NRAP: variants seen among roughly 807,000 people sequenced by gnomAD.
NRAP encodes nebulin related anchoring protein.
Under a neutral mutation model 225.9 loss-of-function variants are expected in NRAP, and 189 were observed. That is an observed-to-expected ratio of 0.84 (90% confidence interval 0.74 to 0.94). NRAP has a LOEUF of 0.94. Among genes scored for constraint, NRAP ranks in the 40% least tolerant of loss-of-function variants. The probability of loss-of-function intolerance (pLI) is 0.00; values close to 1 mark genes in which losing one functional copy is unlikely to be tolerated. For synonymous variants in NRAP, 769 were observed against 790.7 expected, an observed-to-expected ratio of 0.97 and a Z score of 0.46; for missense variants, 2,176 against 2,168.7, an observed-to-expected ratio of 1.00 and a Z score of -0.07.
At chr10:113,662,993 G>T (rs1329626670) in intron 2 of NRAP, among the ~76,000 whole-genome samples, 1 of 152,086 alleles carries the variant, frequency 6.6e-6, no homozygotes, top group Non-Finnish European at 1.5e-5. Context: ...AACTGGAAAT[G>T]ATCACTTGAA....
At chr10:113,595,552 C>A in intron 38 of NRAP, 71 bp downstream of exon 38, 2 of 963,242 alleles carry the variant, frequency 2.1e-6, no homozygotes, top group Admixed American at 2.0e-5. Context: ...TTTAAAAAAA[C>A]GAAATCCACA....
At chr10:113,596,910 C>G (rs1846311718) in intron 37 of NRAP, among the ~76,000 whole-genome samples, 176 bp downstream of exon 37, 2 of 152,198 alleles carry the variant, frequency 1.3e-5, no homozygotes, top group Admixed American at 1.3e-4. Flanking sequence ...GATTCAGCAA[C>G]TGGCCCAAGA....
At chr10:113,654,507 C>G in intron 4 of NRAP, among the ~76,000 whole-genome samples, 1 of 128,696 alleles carries the variant, frequency 7.8e-6, no homozygotes, top group South Asian at 2.5e-4. Context: ...GCAATAAAAG[C>G]AAAAAAAAAA....
intron 26 of NRAP, 24 bp from the exon 27 acceptor site, chr10:113,615,840 A>C (rs1419030572): frequency 1.5e-6 from 2 of 1,328,668 alleles, no homozygotes; most frequent in Admixed American, 1.7e-5. Context: ...GAGGTTTTGC[A>C]TGAAACCTAG....
At chr10:113,592,866 A>G (rs1846071585) in intron 38 of NRAP, among the ~76,000 whole-genome samples, 1 of 152,152 alleles carries the variant, frequency 6.6e-6, no homozygotes, top group South Asian at 2.1e-4. Context: ...CCTGAATTAA[A>G]TTTATTGTCA....
chr10:113,640,385 G>T, intron 13 of NRAP, 54 bp from the exon 14 acceptor site: 1 of 1,067,426 alleles, frequency 9.4e-7, no homozygotes, highest in Non-Finnish European at 1.4e-6. Context: ...ACTTTCTTTT[G>T]GCTTTGTTTG....
chr10:113,644,939 C>T (rs1592845444), intron 11 of NRAP, among the ~76,000 whole-genome samples: 1 of 152,118 alleles, frequency 6.6e-6, no homozygotes, highest in Non-Finnish European at 1.5e-5. Flanking sequence ...AGGGAAAATG[C>T]CGTGAAGAAC....
Position 113,614,903 on chromosome 10 carries a change from T to C in NRAP, c.3122A>G (p.Tyr1041Cys), listed in dbSNP as rs1440230076. Residue 1041 changes from tyrosine to cysteine, a missense_variant, in exon 28 of 42, where the codon TAT (tyrosine) becomes TGT (cysteine). Tyr to Cys is a radical substitution (Grantham distance 194). Around this residue, in one of 3 missense-constraint regions of NRAP, gnomAD observed 1,708 missense variants for 1,695.5 expected, o/e 1.01. Transcript: ENST00000359988. ...TGGAAGGGCATCCAACCTCAGTTTA[T>C]AGCCACCATCTCGAAGTTTGCTCCA... ...ESWSKLRDGGYKLRLDALPFQ... is the reference protein window; with the variant it reads ...ESWSKLRDGGCKLRLDALPFQ... 1.9e-6 allele frequency: 3 copies of C among 1,613,394 alleles called. No homozygotes were observed. Among genetic ancestry groups the C allele is most frequent in the African/African-American group, 1.3e-5 (1 of 74,906 alleles).
At chr10:113,634,014 A>T in intron 15 of NRAP, 98 bp downstream of exon 15, 1 of 790,110 alleles carries the variant, frequency 1.3e-6, no homozygotes, top group South Asian at 1.5e-5. Context: ...ATGTGTCACA[A>T]TTTATGAAAG....
Position 113,642,998 on chromosome 10 carries a change from CTG to C in NRAP, c.1149_1150del (p.His383GlnfsTer6). On this transcript the variant is annotated frameshift_variant, in exon 12 of 42. Transcript: ENST00000359988. LOFTEE classifies it high-confidence loss of function. ...TTGAGGTGTTTCACAGTAGTTGATACTGTGACCTCTACTACTTTCCAGATCCT... is the reference window on the plus strand; with the variant it reads ...TTGAGGTGTTTCACAGTAGTTGATACTGACCTCTACTACTTTCCAGATCCT... 5 of 1,603,690 alleles carry C rather than the reference CTG, an allele frequency of 3.1e-6. No individual in the cohort carries two copies. Among genetic ancestry groups the C allele is most frequent in the Non-Finnish European group, 4.3e-6 (5 of 1,170,438 alleles).
chr10:113,618,015 G>A (rs1217157883), intron 25 of NRAP, among the ~76,000 whole-genome samples: 1 of 151,976 alleles, frequency 6.6e-6, no homozygotes, highest in Non-Finnish European at 1.5e-5. Context: ...AGCAGCCCGC[G>A]AGCGTATGCC....
intron 9 of NRAP, among the ~76,000 whole-genome samples, chr10:113,647,569 G>T (rs796194698): frequency 1.5e-4 from 7 of 47,296 alleles, no homozygotes; most frequent in Non-Finnish European, 3.1e-4. Flanking sequence ...CAGTGGTACT[G>T]CCTCCCCTGG....
intron 35 of NRAP, among the ~76,000 whole-genome samples, chr10:113,603,038 G>A (rs974754140): frequency 4.6e-5 from 7 of 152,220 alleles, no homozygotes; most frequent in African/African-American, 7.2e-5. Flanking sequence ...AGGTGCAGAC[G>A]TTGAGAAACC....
chr10:113,620,737 A>AT (rs757393414), intron 24 of NRAP, 29 bp from the exon 25 acceptor site: 3 of 1,448,718 alleles, frequency 2.1e-6, no homozygotes, highest in Non-Finnish European at 2.9e-6. Context: ...AAAAAAAAAA[A>AT]GCAGGCCATT....
chr10:113,615,014 C>A, intron 27 of NRAP, 68 bp from the exon 28 acceptor site: 1 of 960,868 alleles, frequency 1.0e-6, no homozygotes, highest in Non-Finnish European at 1.7e-6. Flanking sequence ...TCTGGCTTAC[C>A]AAATTGGCAA....
At chr10:113,622,920 T>A (rs990859019) in intron 23 of NRAP, among the ~76,000 whole-genome samples, 20 of 152,238 alleles carry the variant, frequency 1.3e-4, no homozygotes, top group Non-Finnish European at 5.9e-5. Context: ...GATCTTTTTT[T>A]GAAGCAAGAC....
chr10:113,624,415 T>C (rs1486811385), intron 22 of NRAP, among the ~76,000 whole-genome samples: 1 of 152,132 alleles, frequency 6.6e-6, no homozygotes, highest in African/African-American at 2.4e-5. Flanking sequence ...ATTGGTATCA[T>C]TTTACCAATG....
At chr10:113,649,629 AG>A (rs2134153108) in intron 9 of NRAP, among the ~76,000 whole-genome samples, 1 of 152,314 alleles carries the variant, frequency 6.6e-6, no homozygotes, top group Non-Finnish European at 1.5e-5. Flanking sequence ...TCACTTTCTA[AG>A]AAAATGAGCA....
chr10:113,624,835 A>G lies in NRAP; in HGVS notation c.2340T>C (p.Asn780=). ...LFLQARANAA[N]LSEKLYKSSW... is the part of the protein sequence containing the mutation. ...CTCATTCTCTCTGTACCTCGCTGAG[A>G]TTTGCAGCATTGGCTCGGGCCTGCA... Residue 780 remains asparagine (N), a synonymous_variant, in exon 22 of 42, where the codon AAT becomes AAC. Coordinates refer to ENST00000359988, the MANE Select transcript of NRAP (RefSeq NM_198060.4). 1.2e-6 allele frequency: 2 copies of G among 1,613,226 alleles called. No individual in the cohort carries two copies. Among genetic ancestry groups the G allele is most frequent in the Non-Finnish European group, 1.7e-6 (2 of 1,179,206 alleles).
Sources: gnomAD v4.1 joint callset for allele counts (sites outside exome capture counted in the v4.1 genomes callset) on GRCh38, gnomAD v4.1.1 for gene constraint, gnomAD v4.1.1 regional missense constraint, MANE v1.5 for transcripts, NCBI Gene and HGNC (gene_info 2026-07-23, HGNC 2026-07-21) for gene names.